C19orf25: variants seen among roughly 807,000 people sequenced by gnomAD.
C19orf25 encodes UPF0449 protein C19orf25.
C19orf25 carries 1 observed loss-of-function variant against 3.1 expected under a neutral mutation model. That is an observed-to-expected ratio of 0.32 (90% CI 0.12 to 1.54). The LOEUF (loss-of-function observed/expected upper bound fraction) is 1.54, where lower values mean the gene tolerates loss of function less well. C19orf25 is among the 40% of genes most tolerant of loss of function. The probability of loss-of-function intolerance (pLI) is 0.38; values close to 1 mark genes in which losing one functional copy is unlikely to be tolerated. For missense variants in C19orf25, 196 were observed against 160.4 expected, an observed-to-expected ratio of 1.22 and a Z score of -1.20; for synonymous variants, 91 against 74.3, an observed-to-expected ratio of 1.23 and a Z score of -1.16.
chr19:1,475,447 G>A lies in C19orf25; in HGVS notation c.131-189C>T, dbSNP rs752551321. 130 of 600,636 alleles carry A rather than the reference G, an allele frequency of 2.2e-4. 1 individual carries two copies. Among genetic ancestry groups the A allele is most frequent in the Middle Eastern group, 5.3e-4 (2 of 3,748 alleles). The allele number at this position is 600,636 out of a possible 1,614,324, so 37.2% of individuals were successfully genotyped here. A position where few individuals can be genotyped will look rare whatever the true frequency, so the allele number is the denominator to read the frequency against. On this transcript the variant is annotated intron_variant, in intron 2 of 2. Transcript: ENST00000585675. ...CTGTAATCCAGCACTTTGGGAGGCC[G>A]AGGCGGGAGGAACACTTGAGCCCAA...
At chr19:1,478,123 A>G (rs2084224514) in intron 2 of C19orf25, among the ~76,000 whole-genome samples, 1 of 152,146 alleles carries the variant, frequency 6.6e-6, no homozygotes, top group Admixed American at 6.6e-5. Context: ...TATAGGCGTG[A>G]GCCACCGCAC....
intron 2 of C19orf25, among the ~76,000 whole-genome samples, chr19:1,477,891 G>A (rs2084221862): frequency 6.6e-6 from 1 of 152,162 alleles, no homozygotes; most frequent in Non-Finnish European, 1.5e-5. Flanking sequence ...CCAGGCTGGA[G>A]TGCAGTTGCG....
chr19:1,474,952 G>C lies in C19orf25; in HGVS notation c.*80C>G. Reference sequence around the variant, plus strand: ...GTGGGCTGGGACCCCGTGAATGCCAGTCTGGGGCCGACGGACCCCCAGGGA... The same window carrying C: ...GTGGGCTGGGACCCCGTGAATGCCACTCTGGGGCCGACGGACCCCCAGGGA... On this transcript the variant is annotated 3_prime_UTR_variant, in exon 3 of 3. Transcript: ENST00000585675. 6.5e-7 allele frequency: 1 copy of C among 1,530,752 alleles called. No homozygotes were observed. Among genetic ancestry groups the C allele is most frequent in the Non-Finnish European group, 8.8e-7 (1 of 1,141,764 alleles). The allele number at this position is 1,530,752 out of a possible 1,614,324, so 94.8% of individuals were successfully genotyped here. A position where few individuals can be genotyped will look rare whatever the true frequency, so the allele number is the denominator to read the frequency against.
At chr19:1,475,298 C>T in intron 2 of C19orf25, 40 bp from the exon 3 acceptor site, 1 of 1,508,756 alleles carries the variant, frequency 6.6e-7, no homozygotes, top group Non-Finnish European at 8.9e-7. Context: ...TGCTGACCAC[C>T]CCATCCTCCT....
At chr19:1,478,413 TTTTGTTTTTG>T (rs1676509993) in intron 2 of C19orf25, 1 of 230,322 alleles carries the variant, frequency 4.3e-6, no homozygotes, top group South Asian at 1.2e-4. Flanking sequence ...GCTAACTCTG[TTTTGTTTTTG>T]TTTTTGTTTT....
intron 2 of C19orf25, among the ~76,000 whole-genome samples, chr19:1,477,756 C>G (rs114964086): frequency 9.2e-5 from 14 of 152,158 alleles, no homozygotes; most frequent in African/African-American, 3.4e-4. Context: ...TTCATAGCTC[C>G]CAGACCTTAA....
chr19:1,478,925 C>T lies in C19orf25; in HGVS notation c.-2-20G>A. On this transcript the variant is annotated intron_variant, in intron 1 of 2. Transcript: ENST00000585675. ...CCATCTCTGAAGGCGGGGAAGGGGGCGCTGACCGGGGCGTCCACCTCTCCG... is the reference window on the plus strand; with the variant it reads ...CCATCTCTGAAGGCGGGGAAGGGGGTGCTGACCGGGGCGTCCACCTCTCCG... 4 of 1,575,546 alleles carry T rather than the reference C, an allele frequency of 2.5e-6. No homozygotes were observed. Among genetic ancestry groups the T allele is most frequent in the South Asian group, 1.1e-5 (1 of 87,116 alleles).
chr19:1,475,047 AGCCTCGGCT>A lies in C19orf25; in HGVS notation c.333_341del (p.Glu113_Ala115del). On this transcript the variant is annotated inframe_deletion, in exon 3 of 3. Coordinates refer to ENST00000585675, the MANE Select transcript of C19orf25 (RefSeq NM_152482.3). ...CCCCGAGAGGTCAGCCTGAGGAGGCAGCCTCGGCTGCCGGTAATGCTGCCTGCTTCATCT... is the reference window on the plus strand; with the variant it reads ...CCCCGAGAGGTCAGCCTGAGGAGGCAGCCGGTAATGCTGCCTGCTTCATCT... The A allele has an allele frequency of 6.3e-7, 1 of 1,593,830 alleles. No individual in the cohort carries two copies. Among genetic ancestry groups the A allele is most frequent in the East Asian group, 2.3e-5 (1 of 43,742 alleles).
chr19:1,475,424 G>A, intron 2 of C19orf25, 166 bp from the exon 3 acceptor site: 1 of 683,604 alleles, frequency 1.5e-6, no homozygotes, highest in Non-Finnish European at 2.4e-6. Flanking sequence ...GCTCACGCCT[G>A]TAATCCAGCA....
At chr19:1,478,477 TTGG>T in intron 2 of C19orf25, 2 of 723,732 alleles carry the variant, frequency 2.8e-6, no homozygotes, top group Non-Finnish European at 3.9e-6. Flanking sequence ...TTTCACCATG[TTGG>T]CCAGGCTGGT....
At position 1,478,769 on chromosome 19, in the gene C19orf25, C is replaced by T. The variant is rs2084232915; in HGVS notation, c.130+5G>A. 1.3e-6 allele frequency: 2 copies of T among 1,566,492 alleles called. No individual in the cohort carries two copies. The highest frequency in any genetic ancestry group is 1.2e-5 in the South Asian group (1 of 85,330). ...CGCTTTTCCCCGGGACCGGGCTCCC[C>T]CTACCTTCCGGGGCCAGGATGGTGA... On this transcript the variant is annotated splice_donor_5th_base_variant and intron_variant, in intron 2 of 2. Coordinates refer to ENST00000585675, the MANE Select transcript of C19orf25 (RefSeq NM_152482.3).
intron 2 of C19orf25, among the ~76,000 whole-genome samples, chr19:1,477,497 C>T (rs2084217328): frequency 6.6e-6 from 1 of 152,212 alleles, no homozygotes; most frequent in Non-Finnish European, 1.5e-5. Flanking sequence ...CTGCTGAATC[C>T]TTTGGTCTCT....
Position 1,475,141 on chromosome 19 carries a change from A to G in C19orf25, c.248T>C (p.Leu83Pro), listed in dbSNP as rs1420897993. 5 of 1,595,918 alleles carry G rather than the reference A, an allele frequency of 3.1e-6. No homozygotes were observed. The African/African-American group carries it at 4.0e-5, about 13-fold the overall frequency. The change falls in exon 3 of 3, where the codon CTG becomes CCG. Residue 83 changes from leucine to proline, a missense_variant. Transcript: ENST00000585675. ...NQRLQQAGNV[L>P]RQRCELLQRA... ...CTGCAGGAGCTCACACCTCTGCCTC[A>G]GCACGTTGCCCGCCTGCTGCAGCCG...
Position 1,474,738 on chromosome 19 carries a change from C to A in C19orf25, c.*294G>T. ...CTCCCAGGGGCCCCACTGCAGAGCACGGCCACTGTGAGCTGACGACAGAAT... is the reference window on the plus strand; with the variant it reads ...CTCCCAGGGGCCCCACTGCAGAGCAAGGCCACTGTGAGCTGACGACAGAAT... On this transcript the variant is annotated 3_prime_UTR_variant, in exon 3 of 3. Coordinates refer to ENST00000585675, the MANE Select transcript of C19orf25 (RefSeq NM_152482.3). The A allele has an allele frequency of 7.2e-7, 1 of 1,390,578 alleles. No homozygotes were observed. The highest frequency in any genetic ancestry group is 9.4e-7 in the Non-Finnish European group (1 of 1,061,082). 86.1% of individuals were successfully genotyped at this position (1,390,578 alleles called of 1,614,324 possible). A position where few individuals can be genotyped will look rare whatever the true frequency, so the allele number is the denominator to read the frequency against.
intron 2 of C19orf25, chr19:1,478,515 C>A: frequency 8.7e-7 from 1 of 1,143,380 alleles, no homozygotes; most frequent in South Asian, 2.5e-5. Context: ...CTCAAGCGAT[C>A]CTCCCGCCTC....
Position 1,473,821 on chromosome 19 carries a change from G to C in C19orf25, c.*1211C>G, listed in dbSNP as rs749850922. Reference sequence around the variant, plus strand: ...ACCTTCCACCCTGGGACACTGCCGGGACCTCCCTCGGCCAGGTGAGCAGCT... The same window carrying C: ...ACCTTCCACCCTGGGACACTGCCGGCACCTCCCTCGGCCAGGTGAGCAGCT... On this transcript the variant is annotated 3_prime_UTR_variant, in exon 3 of 3. Coordinates refer to ENST00000585675, the MANE Select transcript of C19orf25 (RefSeq NM_152482.3). 4.6e-5 allele frequency: 7 copies of C among 152,420 alleles called. No individual in the cohort carries two copies. Among genetic ancestry groups the C allele is most frequent in the Non-Finnish European group, 8.8e-5 (6 of 68,184 alleles). The allele number at this position is 152,420 out of a possible 1,614,324, so 9.4% of individuals were successfully genotyped here.
At chr19:1,477,492 G>A (rs1446014014) in intron 2 of C19orf25, among the ~76,000 whole-genome samples, 2 of 152,204 alleles carry the variant, frequency 1.3e-5, no homozygotes, top group Non-Finnish European at 2.9e-5. Flanking sequence ...CTGCACTGCT[G>A]AATCCTTTGG....
chr19:1,474,902 G>C lies in C19orf25; in HGVS notation c.*130C>G, dbSNP rs1371434630. ...GGATGAACCGCAGCCCCAGCATCAG[G>C]AGGGGCGCCTGTGTCAACACCCACG... On this transcript the variant is annotated 3_prime_UTR_variant, in exon 3 of 3. Coordinates refer to ENST00000585675, the MANE Select transcript of C19orf25 (RefSeq NM_152482.3). The C allele has an allele frequency of 6.6e-7, 1 of 1,519,730 alleles. No homozygotes were observed. Among genetic ancestry groups the C allele is most frequent in the Non-Finnish European group, 8.8e-7 (1 of 1,135,060 alleles). 94.1% of individuals were successfully genotyped at this position (1,519,730 alleles called of 1,614,324 possible).
At chr19:1,477,022 TAG>T (rs2037024497) in intron 2 of C19orf25, among the ~76,000 whole-genome samples, 7 of 150,102 alleles carry the variant, frequency 4.7e-5, no homozygotes, top group African/African-American at 1.7e-4. Flanking sequence ...TTGTTTGAGA[TAG>T]AGTCTTGCTC....
Sources: allele counts gnomAD v4.1 joint callset (sites outside exome capture counted in the v4.1 genomes callset), GRCh38; gene constraint gnomAD v4.1.1; transcripts MANE v1.5; gene names NCBI Gene and HGNC (gene_info 2026-07-23, HGNC 2026-07-21).